CD84: variants seen among roughly 807,000 people sequenced by gnomAD.
The protein encoded by CD84 is CD84 molecule, also known as SLAM family member 5.
Under a neutral mutation model 33.8 loss-of-function variants are expected in CD84, and 22 were observed. The observed-to-expected ratio is 0.65, with a 90% CI of 0.46 to 0.93. The LOEUF (loss-of-function observed/expected upper bound fraction) is 0.93. Among genes scored for constraint, CD84 ranks in the 40% least tolerant of loss-of-function variants. The pLI, the probability that CD84 is intolerant of heterozygous loss-of-function variation, is 0.00. For synonymous variants in CD84, 154 were observed against 145.2 expected, an observed-to-expected ratio of 1.06 and a Z score of -0.44; for missense variants, 400 against 397.6, an observed-to-expected ratio of 1.01 and a Z score of -0.05.
intron 1 of CD84, 126 bp from the exon 2 acceptor site, chr1:160,565,871 C>A (rs566905157): frequency 7.1e-6 from 5 of 707,986 alleles, no homozygotes; most frequent in East Asian, 5.7e-5. Context: ...CTTGAGGATG[C>A]CTTTTTTTTT....
chr1:160,561,020 A>G (rs1410714689), intron 2 of CD84, among the ~76,000 whole-genome samples: 1 of 151,766 alleles, frequency 6.6e-6, no homozygotes. Context: ...ACCAACCAAA[A>G]ACAAAACAAA....
At position 160,548,045 on chromosome 1, in the gene CD84, G is replaced by T; in HGVS notation, c.*211C>A. 1 of 589,508 alleles carries T rather than the reference G, an allele frequency of 1.7e-6. No homozygotes were observed. 36.5% of individuals were successfully genotyped at this position (589,508 alleles called of 1,614,324 possible). ...GGTAACCTGCTTTGTCATTCATTCAGAAGGGAGTCATTTCAGGAAGGGTAT... is the reference window on the plus strand; with the variant it reads ...GGTAACCTGCTTTGTCATTCATTCATAAGGGAGTCATTTCAGGAAGGGTAT... On this transcript the variant is annotated 3_prime_UTR_variant, in exon 7 of 7. Transcript: ENST00000368054.
chr1:160,557,110 C>A (rs1656659338), intron 2 of CD84, among the ~76,000 whole-genome samples: 1 of 152,134 alleles, frequency 6.6e-6, no homozygotes, highest in Non-Finnish European at 1.5e-5. Context: ...GGGAGCTCAA[C>A]TACCATTATC....
intron 1 of CD84, among the ~76,000 whole-genome samples, chr1:160,569,425 G>A (rs1428394648): frequency 2.6e-5 from 4 of 152,004 alleles, no homozygotes; most frequent in Non-Finnish European, 5.9e-5. Flanking sequence ...AACATCTTGA[G>A]GACTTACCAT....
intron 6 of CD84, among the ~76,000 whole-genome samples, 199 bp from the exon 7 acceptor site, chr1:160,548,520 A>G (rs1655973806): frequency 6.6e-6 from 1 of 152,086 alleles, no homozygotes; most frequent in African/African-American, 2.4e-5. Context: ...CCCATTTGGG[A>G]GGCCCTGAGC....
intron 1 of CD84, among the ~76,000 whole-genome samples, chr1:160,567,478 A>G (rs1179236209): frequency 6.6e-6 from 1 of 152,130 alleles, no homozygotes; most frequent in East Asian, 1.9e-4. Context: ...GGTGGGGAGT[A>G]TGTGGAGTGG....
intron 4 of CD84, chr1:160,551,560 G>A (rs1405739602): frequency 6.1e-6 from 1 of 162,862 alleles, no homozygotes; most frequent in Non-Finnish European, 1.3e-5. Context: ...TTGTTTTTGA[G>A]ACAAGTTCTC....
intron 2 of CD84, among the ~76,000 whole-genome samples, chr1:160,559,724 T>C (rs543608621): frequency 2.3e-3 from 347 of 152,196 alleles, no homozygotes; most frequent in Middle Eastern, 6.8e-3. Context: ...GTATGCTGTC[T>C]TCAAGAGACC....
chr1:160,553,616 G>T, intron 3 of CD84, 119 bp from the exon 4 acceptor site: 1 of 1,223,378 alleles, frequency 8.2e-7, no homozygotes, highest in Non-Finnish European at 1.2e-6. Context: ...GAGTGCCAAA[G>T]CTCCTAGGGA....
At chr1:160,575,524 CA>C (rs1473434406) in intron 1 of CD84, among the ~76,000 whole-genome samples, 1 of 151,318 alleles carries the variant, frequency 6.6e-6, no homozygotes, top group African/African-American at 2.4e-5. Flanking sequence ...CACACACACA[CA>C]AAATCTCAAA....
intron 1 of CD84, among the ~76,000 whole-genome samples, chr1:160,570,247 G>A (rs1479584063): frequency 6.6e-6 from 1 of 152,202 alleles, no homozygotes; most frequent in Non-Finnish European, 1.5e-5. Context: ...GTCAAAGGGG[G>A]AAGAAAGTTT....
rs1175835197 is a variant in CD84 at position 160,542,889 on chromosome 1, C to T, written c.*5367G>A. On this transcript the variant is annotated 3_prime_UTR_variant, in exon 7 of 7. Coordinates refer to ENST00000368054, the MANE Select transcript of CD84 (RefSeq NM_003874.4). ...TGGACCCCTCACACTTGGATGGGGGCTTATTTAAGTCTAAACATGCACAGT... is the reference window on the plus strand; with the variant it reads ...TGGACCCCTCACACTTGGATGGGGGTTTATTTAAGTCTAAACATGCACAGT... 6.6e-6 allele frequency: 1 copy of T among 152,128 alleles called. No homozygotes were observed. 9.4% of individuals were successfully genotyped at this position (152,128 alleles called of 1,614,324 possible).
intron 2 of CD84, 111 bp downstream of exon 2, chr1:160,565,293 T>G: frequency 1.4e-6 from 1 of 727,438 alleles, no homozygotes; most frequent in Non-Finnish European, 2.3e-6. Flanking sequence ...TAAGTATTTA[T>G]AGATATAAAA....
At chr1:160,574,417 G>A (rs1234229471) in intron 1 of CD84, among the ~76,000 whole-genome samples, 2 of 152,168 alleles carry the variant, frequency 1.3e-5, no homozygotes, top group Non-Finnish European at 2.9e-5. Context: ...TAGGAAACAT[G>A]TTTGAGTCTA....
chr1:160,551,474 A>C (rs573274489), intron 4 of CD84: 1 of 186,292 alleles, frequency 5.4e-6, no homozygotes, highest in East Asian at 1.8e-4. Context: ...TGCTGTAACC[A>C]TCTCAATGTT....
intron 1 of CD84, among the ~76,000 whole-genome samples, chr1:160,569,446 A>G (rs1056251944): frequency 5.3e-5 from 8 of 152,052 alleles, no homozygotes; most frequent in African/African-American, 1.5e-4. Context: ...GAAATGCACT[A>G]TGCTAGTCTA....
At chr1:160,552,601 C>G (rs80277172) in intron 4 of CD84, 9 of 758,788 alleles carry the variant, frequency 1.2e-5, no homozygotes, top group Non-Finnish European at 1.9e-5. Flanking sequence ...GGGACTTTCA[C>G]GCCTAGACTG....
intron 4 of CD84, chr1:160,552,785 T>G (rs1279796845): frequency 6.9e-6 from 10 of 1,441,340 alleles, no homozygotes; most frequent in Non-Finnish European, 7.6e-6. Flanking sequence ...AAGCAGAAGT[T>G]CCATGTTTTT....
intron 2 of CD84, among the ~76,000 whole-genome samples, chr1:160,555,625 C>G (rs1368620137): frequency 6.6e-6 from 1 of 152,084 alleles, no homozygotes; most frequent in Non-Finnish European, 1.5e-5. Flanking sequence ...AAGGTCTTTT[C>G]TTTTACCAGG....
Sources: allele counts gnomAD v4.1 joint callset (sites outside exome capture counted in the v4.1 genomes callset), GRCh38; gene constraint gnomAD v4.1.1; transcripts MANE v1.5; gene names NCBI Gene and HGNC (gene_info 2026-07-23, HGNC 2026-07-21).